GPR107: variants seen among roughly 807,000 people sequenced by gnomAD.
GPR107 encodes G protein-coupled receptor 107.
In GPR107, 31 loss-of-function variants were observed where a neutral mutation model predicts 75.5. The observed-to-expected ratio is 0.41, with a 90% CI of 0.31 to 0.55. The LOEUF (loss-of-function observed/expected upper bound fraction) is 0.55. Ranked by LOEUF, GPR107 falls within the 20% of genes least tolerant of loss-of-function variation. GPR107 has a pLI of 0.26. For synonymous variants in GPR107, 267 were observed against 251.3 expected (o/e 1.06, Z -0.59); for missense variants, 572 against 665.7 (o/e 0.86, Z 1.55).
chr9:130,085,571 TC>T (rs1268600101), intron 6 of GPR107, among the ~76,000 whole-genome samples: 1 of 152,046 alleles, frequency 6.6e-6, no homozygotes, highest in African/African-American at 2.4e-5. Context: ...AAGCCCCCTG[TC>T]CCCAAGCAAT....
At chr9:130,094,070 T>C (rs1307074943) in intron 9 of GPR107, among the ~76,000 whole-genome samples, 3 of 152,020 alleles carry the variant, frequency 2.0e-5, no homozygotes, top group Non-Finnish European at 2.9e-5. Flanking sequence ...CTGGCTCAGC[T>C]TCCCAAAGTG....
chr9:130,072,054 C>T (rs1437289578), intron 1 of GPR107, among the ~76,000 whole-genome samples: 3 of 151,900 alleles, frequency 2.0e-5, no homozygotes, highest in Non-Finnish European at 2.9e-5. Flanking sequence ...TCCCTGCAGC[C>T]TCTGCCTCCT....
chr9:130,118,348 C>A (rs1195599090), intron 14 of GPR107, among the ~76,000 whole-genome samples: 1 of 152,144 alleles, frequency 6.6e-6, no homozygotes, highest in East Asian at 1.9e-4. Context: ...TCCTTGCTGG[C>A]CTTCTTAGTT....
At position 130,090,895 on chromosome 9, in the gene GPR107, C is replaced by G; in HGVS notation, c.641C>G (p.Thr214Ser). ...VSFQFFFNIS[T>S]DDQEGLYSLY... ...TTTCAGTTTTTCTTTAACATCAGCA[C>G]TGATGACCAAGAAGGCCTTTACAGT... The change falls in exon 8 of 18, where the codon ACT (threonine) becomes AGT (serine). Residue 214 changes from threonine (T) to serine (S), a missense_variant. Coordinates refer to ENST00000347136, the MANE Select transcript of GPR107 (RefSeq NM_020960.5). 6.9e-7 allele frequency: 1 copy of G among 1,452,894 alleles called. No individual in the cohort carries two copies. Among genetic ancestry groups the G allele is most frequent in the Non-Finnish European group, 9.7e-7 (1 of 1,034,594 alleles). 90.0% of individuals were successfully genotyped at this position (1,452,894 alleles called of 1,614,324 possible).
rs1831335923 is a variant in GPR107 at position 130,112,730 on chromosome 9, T to C, written c.1306+5191T>C. Among the ~76,000 whole-genome samples, 2 of 151,756 alleles carry C rather than the reference T, an allele frequency of 1.3e-5. No individual in the cohort carries two copies. The highest frequency in any genetic ancestry group is 4.2e-4 in the South Asian group (2 of 4,814). The stretch of plus-strand genomic sequence containing the variant: ...TTGCAAGCTGAACTAGCTGCTTTTA[T>C]TTTATTTTTTTGTTGTTTTTTATTT... On this transcript the variant is annotated intron_variant, in intron 14 of 17. Coordinates refer to ENST00000347136, the MANE Select transcript of GPR107 (RefSeq NM_020960.5). The surrounding 1 kb of genome is among the most constrained non-coding windows in gnomAD (Gnocchi z 4.0).
chr9:130,128,642 C>A lies in GPR107; in HGVS notation c.1443C>A (p.Leu481=). 6.2e-7 allele frequency: 1 copy of A among 1,611,890 alleles called. No homozygotes were observed. Among genetic ancestry groups the A allele is most frequent in the Non-Finnish European group, 8.5e-7 (1 of 1,178,112 alleles). The stretch of plus-strand genomic sequence containing the variant: ...TGGGGTGGTTTTTAAACTTGCAGCT[C>A]CTGGATGAAACGGCCACACTGGTCT... ...VPFQWKWLYQ[L]LDETATLVFF... The change falls in exon 17 of 18, where the codon CTC becomes CTA. Residue 481 remains leucine, a splice_region_variant and synonymous_variant. Coordinates refer to ENST00000347136, the MANE Select transcript of GPR107 (RefSeq NM_020960.5).
rs1036555495 is a variant in GPR107 at position 130,079,833 on chromosome 9, T to C, written c.526+64T>C. On this transcript the variant is annotated intron_variant, in intron 5 of 17. Transcript: ENST00000347136. ...ACCTGCTTTGTAGCTTTTTTGTTCC[T>C]AATTAAAAGTAAAAGTAAAACATGA... 7 of 1,068,462 alleles carry C rather than the reference T, an allele frequency of 6.6e-6. No individual in the cohort carries two copies. The Admixed American group carries it at 1.4e-4, about 22-fold the overall frequency. The allele number at this position is 1,068,462 out of a possible 1,614,324, so 66.2% of individuals were successfully genotyped here.
At chr9:130,095,001 T>C (rs1157836561) in intron 9 of GPR107, among the ~76,000 whole-genome samples, 2 of 152,106 alleles carry the variant, frequency 1.3e-5, no homozygotes. Flanking sequence ...TTTTTTATTT[T>C]TTATTTTTTA....
rs1195938369 is a variant in GPR107, at chr9:130,138,158, ACT to A, written c.*3040_*3041del. The stretch of plus-strand genomic sequence containing the variant: ...ACTGCATTTTGTAATGTTGAATATG[ACT>A]CTAGTGACTTGTAGGAGGCACTTGT... On this transcript the variant is annotated 3_prime_UTR_variant, in exon 18 of 18. Transcript: ENST00000347136. The A allele has an allele frequency of 6.6e-6, 1 of 152,066 alleles. No homozygotes were observed. The highest frequency in any genetic ancestry group is 1.5e-5 in the Non-Finnish European group (1 of 68,006). The allele number at this position is 152,066 out of a possible 1,614,324, so 9.4% of individuals were successfully genotyped here. A position where few individuals can be genotyped will look rare whatever the true frequency, so the allele number is the denominator to read the frequency against.
At chr9:130,131,519 A>G (rs1020097456) in intron 17 of GPR107, among the ~76,000 whole-genome samples, 3 of 151,266 alleles carry the variant, frequency 2.0e-5, no homozygotes, top group Non-Finnish European at 4.4e-5. Context: ...CCCTCTTCGC[A>G]CTCCCAGGAC....
intron 1 of GPR107, among the ~76,000 whole-genome samples, chr9:130,067,010 A>AT (rs1418682378): frequency 3.3e-5 from 5 of 151,870 alleles, no homozygotes; most frequent in African/African-American, 1.2e-4. Flanking sequence ...GAGCTTGGTT[A>AT]TGGCAGCCAA....
chr9:130,070,067 G>C (rs1461828758), intron 1 of GPR107, among the ~76,000 whole-genome samples: 1 of 141,854 alleles, frequency 7.0e-6, no homozygotes, highest in South Asian at 2.3e-4. Flanking sequence ...GCAGTGGCAT[G>C]ATCTTGGCTC....
At chr9:130,106,960 A>G (rs1410167750) in intron 13 of GPR107, among the ~76,000 whole-genome samples, 1 of 152,108 alleles carries the variant, frequency 6.6e-6, no homozygotes, top group African/African-American at 2.4e-5. Context: ...CCTGAAATGT[A>G]ATGATGGTCA....
chr9:130,088,373 T>G (rs1830663033), intron 7 of GPR107, among the ~76,000 whole-genome samples: 1 of 152,256 alleles, frequency 6.6e-6, no homozygotes, highest in African/African-American at 2.4e-5. Flanking sequence ...AAAGCTTCTC[T>G]TGTTTGTAGC....
chr9:130,055,558 A>G (rs1829760054), intron 1 of GPR107, among the ~76,000 whole-genome samples: 1 of 151,160 alleles, frequency 6.6e-6, no homozygotes, highest in Non-Finnish European at 1.5e-5. Flanking sequence ...GTGGAACTGT[A>G]GAAAGTTTGT....
chr9:130,117,254 T>C (rs1191839784), intron 14 of GPR107, among the ~76,000 whole-genome samples: 1 of 103,326 alleles, frequency 9.7e-6, no homozygotes, highest in Non-Finnish European at 2.1e-5. Flanking sequence ...GCCAGAAATG[T>C]ATTTTCGATT....
At chr9:130,073,611 G>T (rs944457714) in intron 1 of GPR107, among the ~76,000 whole-genome samples, 34 of 152,164 alleles carry the variant, frequency 2.2e-4, no homozygotes, top group Admixed American at 6.6e-5. Context: ...AAGCTCCTAA[G>T]AAAATAAGGG....
intron 14 of GPR107, 114 bp from the exon 15 acceptor site, chr9:130,124,801 G>A (rs891706070): frequency 4.6e-6 from 3 of 647,456 alleles, no homozygotes; most frequent in Non-Finnish European, 8.1e-6. Flanking sequence ...GTGCCTCTGA[G>A]TGGTCCTCAT....
chr9:130,060,468 G>GA (rs1380552370), intron 1 of GPR107, among the ~76,000 whole-genome samples: 1 of 142,696 alleles, frequency 7.0e-6, no homozygotes, highest in African/African-American at 2.6e-5. Context: ...GAGTACAGTG[G>GA]CTATTCACCA....
Sources: gnomAD v4.1 joint callset for allele counts (sites outside exome capture counted in the v4.1 genomes callset) on GRCh38, gnomAD v4.1.1 for gene constraint, Gnocchi (gnomAD v3.1) non-coding constraint, MANE v1.5 for transcripts, NCBI Gene and HGNC (gene_info 2026-07-23, HGNC 2026-07-21) for gene names.